Variants in GPR21 observed in about 807,000 individuals in gnomAD.
The protein encoded by GPR21 is probable G protein-coupled receptor 21.
In GPR21, 9 loss-of-function variants were observed where a neutral mutation model predicts 21.5. The ratio of observed to expected loss-of-function variants is 0.42; its 90% CI spans 0.25 to 0.73. The LOEUF (loss-of-function observed/expected upper bound fraction) is 0.73. Among genes scored for constraint, GPR21 ranks in the 30% least tolerant of loss-of-function variants. GPR21 has a pLI of 0.27. For missense variants in GPR21, 416 were observed against 428.9 expected (o/e 0.97, Z 0.27); for synonymous variants, 169 against 159.3 (o/e 1.06, Z -0.46).
chr9:123,046,716 A>C, the GPR21 span, among the ~76,000 whole-genome samples: 393 of 152,340 alleles, frequency 2.6e-3, no homozygotes, highest in African/African-American at 9.0e-3. Context: ...ATGAAGCAGA[A>C]GTTTTAAGTT....
rs1158480023 is a variant in GPR21, at chr9:123,035,433, C to T, written c.867C>T (p.Thr289=). The change falls in exon 2 of 2, where the codon ACC becomes ACT. Residue 289 remains threonine, a synonymous_variant. Coordinates refer to ENST00000616002, the MANE Select transcript of GPR21 (RefSeq NM_005294.3). ...GHSNRFASFL[T]TWLAISNSFC... ...GCAACCGCTTCGCATCCTTCTTGAC[C>T]ACCTGGCTTGCTATTAGTAACAGTT... is the stretch of plus-strand genomic sequence containing the variant. The T allele has an allele frequency of 1.3e-5, 21 of 1,614,154 alleles. No homozygotes were observed. Among genetic ancestry groups the T allele is most frequent in the East Asian group, 2.2e-5 (1 of 44,888 alleles).
Position 123,035,132 on chromosome 9 carries a change from C to T in GPR21, c.566C>T (p.Ser189Phe), listed in dbSNP as rs2131994648. The T allele has an allele frequency of 6.2e-7, 1 of 1,613,890 alleles. No individual in the cohort carries two copies. Among genetic ancestry groups the T allele is most frequent in the Non-Finnish European group, 8.5e-7 (1 of 1,179,798 alleles). The change falls in exon 2 of 2, where the codon TCC (serine) becomes TTC (phenylalanine). Residue 189 changes from serine (S) to phenylalanine (F), a missense_variant. By Grantham distance (155) the Ser-to-Phe change is radical. Coordinates refer to ENST00000616002, the MANE Select transcript of GPR21 (RefSeq NM_005294.3). ...TGTGCGGAGTCCTGGCACACCGACTCCTACTTCACCCTGTTCATCGTGATG... is the reference window on the plus strand; with the variant it reads ...TGTGCGGAGTCCTGGCACACCGACTTCTACTTCACCCTGTTCATCGTGATG... ...QWCAESWHTD[S>F]YFTLFIVMML...
In GPR21 at chr9:123,034,246, A is replaced by T; in HGVS notation, c.-321A>T. ...CCCTTCTCTTCTACCCTTTCCCCCT[A>T]CCCTCACTTGGCCTGAAGACGTTCT... On this transcript the variant is annotated 5_prime_UTR_variant, in exon 2 of 2. Coordinates refer to ENST00000616002, the MANE Select transcript of GPR21 (RefSeq NM_005294.3). 2.7e-6 allele frequency: 1 copy of T among 373,776 alleles called. No individual in the cohort carries two copies. 23.2% of individuals were successfully genotyped at this position (373,776 alleles called of 1,614,324 possible). A position where few individuals can be genotyped will look rare whatever the true frequency, so the allele number is the denominator to read the frequency against.
chr9:123,044,408 G>A, the GPR21 span, among the ~76,000 whole-genome samples: 3 of 152,118 alleles, frequency 2.0e-5, no homozygotes, highest in Non-Finnish European at 2.9e-5. Flanking sequence ...AGAAGTATAG[G>A]CAAAGTTAAT....
At chr9:123,041,451 G>A in the GPR21 span, among the ~76,000 whole-genome samples, 2 of 152,174 alleles carry the variant, frequency 1.3e-5, no homozygotes, top group East Asian at 3.8e-4. Flanking sequence ...CATAGTAAGT[G>A]TTATGATTCA....
the GPR21 span, among the ~76,000 whole-genome samples, chr9:123,043,204 TAAAG>T: frequency 3.3e-5 from 5 of 151,984 alleles, no homozygotes; most frequent in African/African-American, 1.2e-4. Flanking sequence ...AGGAAATAAA[TAAAG>T]AGATACAGAA....
At position 123,034,669 on chromosome 9, in the gene GPR21, A is replaced by G; in HGVS notation, c.103A>G (p.Ile35Val). ...TTTTTGCCTTTTGGAAGTATTGATT[A>G]TTGTCTTTCTAACTGTATTGATTAT... ...VNFCLLEVLIIVFLTVLIISG... is the reference protein window; with the variant it reads ...VNFCLLEVLIVVFLTVLIISG... The change falls in exon 2 of 2, where the codon ATT becomes GTT. Residue 35 changes from isoleucine (I) to valine (V), a missense_variant. By Grantham distance (29) the Ile-to-Val change is conservative. Transcript: ENST00000616002. 6.2e-7 allele frequency: 1 copy of G among 1,612,932 alleles called. No homozygotes were observed. Among genetic ancestry groups the G allele is most frequent in the African/African-American group, 1.3e-5 (1 of 75,024 alleles).
chr9:123,035,144 T>C lies in GPR21; in HGVS notation c.578T>C (p.Leu193Pro). The C allele has an allele frequency of 6.2e-7, 1 of 1,613,974 alleles. No individual in the cohort carries two copies. The highest frequency in any genetic ancestry group is 8.5e-7 in the Non-Finnish European group (1 of 1,179,852). Residue 193 changes from leucine to proline, a missense_variant, in exon 2 of 2, where the codon CTG becomes CCG. Coordinates refer to ENST00000616002, the MANE Select transcript of GPR21 (RefSeq NM_005294.3). ...ESWHTDSYFT[L>P]FIVMMLYAPA... ...TGGCACACCGACTCCTACTTCACCC[T>C]GTTCATCGTGATGATGTTATATGCC...
At position 123,035,215 on chromosome 9, in the gene GPR21, A is replaced by G. The variant is rs1457956379; in HGVS notation, c.649A>G (p.Ile217Val). ...VCFTYFNIFR[I>V]CQQHTKDISE... ...CTTCACCTATTTCAACATCTTCCGCATCTGCCAACAGCACACAAAGGATAT... is the reference window on the plus strand; with the variant it reads ...CTTCACCTATTTCAACATCTTCCGCGTCTGCCAACAGCACACAAAGGATAT... The change falls in exon 2 of 2, where the codon ATC (isoleucine) becomes GTC (valine). Residue 217 changes from isoleucine to valine, a missense_variant. By Grantham distance (29) the Ile-to-Val change is conservative. Coordinates refer to ENST00000616002, the MANE Select transcript of GPR21 (RefSeq NM_005294.3). 2 of 1,614,060 alleles carry G rather than the reference A, an allele frequency of 1.2e-6. No homozygotes were observed. Among genetic ancestry groups the G allele is most frequent in the Non-Finnish European group, 1.7e-6 (2 of 1,180,042 alleles).
chr9:123,038,702 A>AT (rs1257379144), downstream of GPR21, among the ~76,000 whole-genome samples: 1 of 151,684 alleles, frequency 6.6e-6, no homozygotes, highest in Non-Finnish European at 1.5e-5. Context: ...CTTTTGTGTA[A>AT]TTTTTTTCAT....
chr9:123,046,609 G>A, the GPR21 span, among the ~76,000 whole-genome samples: 5 of 152,200 alleles, frequency 3.3e-5, no homozygotes, highest in African/African-American at 1.2e-4. Flanking sequence ...GATTAAATGA[G>A]CTAATGCATG....
the GPR21 span, among the ~76,000 whole-genome samples, chr9:123,041,281 A>G: frequency 1.3e-5 from 2 of 152,230 alleles, no homozygotes; most frequent in Non-Finnish European, 2.9e-5. Context: ...ATTCAAATCT[A>G]GGACTTCTGA....
the GPR21 span, among the ~76,000 whole-genome samples, chr9:123,045,788 CTT>C: frequency 6.6e-6 from 1 of 152,114 alleles, no homozygotes; most frequent in Non-Finnish European, 1.5e-5. Flanking sequence ...TTTTTGGAGT[CTT>C]TGGCCCTTGG....
chr9:123,035,628 T>TAA lies in GPR21; in HGVS notation c.*13_*14insAA, dbSNP rs1430389963. The TAA allele has an allele frequency of 4.7e-6, 7 of 1,489,402 alleles. 1 individual carries two copies. In the African/African-American group the frequency reaches 9.9e-5, roughly 21 times the overall value. 92.3% of individuals were successfully genotyped at this position (1,489,402 alleles called of 1,614,324 possible). On this transcript the variant is annotated 3_prime_UTR_variant, in exon 2 of 2. Transcript: ENST00000616002. ...GATGTCATATCTGAAGTGGCTCAGTTACGGGGTTCCCGTGTGTGTGTGTGT... is the reference window on the plus strand; with the variant it reads ...GATGTCATATCTGAAGTGGCTCAGTTAAACGGGGTTCCCGTGTGTGTGTGTGT...
chr9:123,034,690 A>C lies in GPR21; in HGVS notation c.124A>C (p.Ile42Leu). Residue 42 changes from isoleucine (I) to leucine (L), a missense_variant, in exon 2 of 2, where the codon ATT becomes CTT. Transcript: ENST00000616002. ...VLIIVFLTVLIISGNIIVIFV... is the reference protein window; with the variant it reads ...VLIIVFLTVLLISGNIIVIFV... ...GATTATTGTCTTTCTAACTGTATTG[A>C]TTATTTCTGGCAACATCATTGTGAT... The C allele has an allele frequency of 6.2e-7, 1 of 1,613,204 alleles. No individual in the cohort carries two copies. Among genetic ancestry groups the C allele is most frequent in the Non-Finnish European group, 8.5e-7 (1 of 1,179,150 alleles).
the GPR21 span, among the ~76,000 whole-genome samples, chr9:123,042,818 T>G: frequency 6.6e-6 from 1 of 152,192 alleles, no homozygotes; most frequent in African/African-American, 2.4e-5. Context: ...GTTTTCATAA[T>G]GAAAAGGCCC....
chr9:123,040,187 C>G (rs923494020), downstream of GPR21, among the ~76,000 whole-genome samples: 2 of 152,142 alleles, frequency 1.3e-5, no homozygotes, highest in African/African-American at 2.4e-5. Context: ...CCTCACTGTT[C>G]TCTACTTTAT....
the GPR21 span, among the ~76,000 whole-genome samples, chr9:123,049,036 AT>A: frequency 6.6e-6 from 1 of 152,244 alleles, no homozygotes; most frequent in Non-Finnish European, 1.5e-5. Flanking sequence ...ATAATGCCAT[AT>A]TTGGATTGAA....
chr9:123,039,776 C>T (rs2032861909), downstream of GPR21, among the ~76,000 whole-genome samples: 1 of 152,130 alleles, frequency 6.6e-6, no homozygotes, highest in South Asian at 2.1e-4. Flanking sequence ...AGATAAAGCT[C>T]TGTAAAACTG....
Sources: allele counts gnomAD v4.1 joint callset (sites outside exome capture counted in the v4.1 genomes callset), GRCh38; gene constraint gnomAD v4.1.1; transcripts MANE v1.5; gene names NCBI Gene and HGNC (gene_info 2026-07-23, HGNC 2026-07-21).